GCNT1: variants seen among roughly 807,000 people sequenced by gnomAD.
GCNT1 encodes beta-1,3-galactosyl-O-glycosyl-glycoprotein beta-1,6-N-acetylglucosaminyltransferase.
GCNT1 carries 16 observed loss-of-function variants against 26.2 expected under a neutral mutation model. The ratio of observed to expected loss-of-function variants is 0.61; its 90% CI spans 0.41 to 0.93. GCNT1 has a LOEUF of 0.93. GCNT1 is among the 40% of genes least tolerant of loss of function. The pLI, the probability that GCNT1 is intolerant of heterozygous loss-of-function variation, is 0.00. For synonymous variants in GCNT1, 183 were observed against 190.8 expected (o/e 0.96, Z 0.34); for missense variants, 477 against 526.7 (o/e 0.91, Z 0.92).
chr9:76,426,794 G>T (rs1461253010), intron 1 of GCNT1, among the ~76,000 whole-genome samples: 1 of 152,070 alleles, frequency 6.6e-6, no homozygotes, highest in Non-Finnish European at 1.5e-5. Flanking sequence ...CTACTCGGGG[G>T]TGGCAGAGGG....
chr9:76,418,740 G>T (rs71509874), upstream of GCNT1, among the ~76,000 whole-genome samples: 2 of 152,132 alleles, frequency 1.3e-5, no homozygotes, highest in Admixed American at 6.5e-5. Flanking sequence ...GATTTTTAGG[G>T]GAAATGAATG....
chr9:76,503,291 A>G lies in GCNT1; in HGVS notation c.910A>G (p.Lys304Glu). 1 of 1,614,158 alleles carries G rather than the reference A, an allele frequency of 6.2e-7. No homozygotes were observed. The highest frequency in any genetic ancestry group is 1.7e-4 in the Middle Eastern group (1 of 6,060). ...TGTGGGGTATGTACTACAGAATGAA[A>G]AAATCCAAAAGTTGATGGAGTGGGC... Reference protein sequence around the residue: ...EYVGYVLQNEKIQKLMEWAQD... With the variant: ...EYVGYVLQNEEIQKLMEWAQD... Residue 304 changes from lysine to glutamate, a missense_variant, in exon 4 of 4, where the codon AAA becomes GAA. Physicochemically the swap from Lys to Glu is moderately conservative, Grantham distance 56. Coordinates refer to ENST00000376730, the MANE Select transcript of GCNT1 (RefSeq NM_001490.5).
At chr9:76,454,504 T>G (rs1239028729), upstream of GCNT1, among the ~76,000 whole-genome samples, 1 of 151,620 alleles carries the variant, frequency 6.6e-6, no homozygotes, top group African/African-American at 2.4e-5. Context: ...GAAAAGGGCT[T>G]CTTGGGAGGG....
rs188808484 is a variant in GCNT1, at chr9:76,506,367, C to T, written c.*2699C>T. The T allele has an allele frequency of 1.7e-4, 29 of 166,888 alleles. No individual in the cohort carries two copies. The highest frequency in any genetic ancestry group is 6.3e-4 in the African/African-American group (26 of 41,484). 10.3% of individuals were successfully genotyped at this position (166,888 alleles called of 1,614,324 possible). On this transcript the variant is annotated 3_prime_UTR_variant, in exon 4 of 4. Transcript: ENST00000376730. ...CAGCCTAGCCAACATGACGAAACCC[C>T]ATCTCTACTGAAAATAGAAAAAAAA... is the stretch of plus-strand genomic sequence containing the variant.
At chr9:76,496,417 G>T (rs1209314875) in intron 2 of GCNT1, among the ~76,000 whole-genome samples, 2 of 152,114 alleles carry the variant, frequency 1.3e-5, no homozygotes, top group Non-Finnish European at 2.9e-5. Flanking sequence ...GTTCTTTCCC[G>T]CCTGTCAGCC....
chr9:76,465,099 C>G (rs1363990488), intron 2 of GCNT1, among the ~76,000 whole-genome samples: 1 of 152,086 alleles, frequency 6.6e-6, no homozygotes, highest in African/African-American at 2.4e-5. Flanking sequence ...CCTCCTGCCT[C>G]AGCCTCCCTT....
chr9:76,502,954 C>T lies in GCNT1; in HGVS notation c.573C>T (p.Ser191=). Residue 191 remains serine, a synonymous_variant, in exon 4 of 4, where the codon AGC becomes AGT. Coordinates refer to ENST00000376730, the MANE Select transcript of GCNT1 (RefSeq NM_001490.5). ...AGAGTGTGGTTTATGCATCGTGGAG[C>T]CGGGTTCAGGCTGACCTCAACTGCA... The part of the protein sequence containing the change: ...RLESVVYASW[S]RVQADLNCMK... The T allele has an allele frequency of 1.9e-6, 3 of 1,612,856 alleles. No homozygotes were observed. The highest frequency in any genetic ancestry group is 2.5e-6 in the Non-Finnish European group (3 of 1,179,956).
upstream of GCNT1, among the ~76,000 whole-genome samples, chr9:76,416,674 G>A (rs78394921): frequency 0.026 from 3,946 of 152,286 alleles, 161 homozygotes; most frequent in African/African-American, 0.089. Flanking sequence ...GTCTCACTAC[G>A]TATTTAACTA....
chr9:76,402,372 G>A, the GCNT1 span, among the ~76,000 whole-genome samples: 1 of 152,100 alleles, frequency 6.6e-6, no homozygotes, highest in African/African-American at 2.4e-5. Context: ...ATAACATTTT[G>A]AAAACTAAAT....
intron 2 of GCNT1, among the ~76,000 whole-genome samples, chr9:76,489,528 C>G: frequency 6.6e-6 from 1 of 152,178 alleles, no homozygotes; most frequent in East Asian, 1.9e-4. Flanking sequence ...TTTGGACCCG[C>G]CCATGTCCTG....
the GCNT1 span, among the ~76,000 whole-genome samples, chr9:76,402,194 A>G: frequency 1.3e-5 from 2 of 152,206 alleles, no homozygotes; most frequent in South Asian, 2.1e-4. Context: ...GCTTTCCTGT[A>G]TCTGCTTCCT....
chr9:76,474,297 G>A (rs552927257), intron 2 of GCNT1, among the ~76,000 whole-genome samples: 54 of 152,204 alleles, frequency 3.5e-4, no homozygotes, highest in African/African-American at 1.2e-3. Flanking sequence ...TGTTACTGGG[G>A]ACAGTATAAG....
chr9:76,473,848 A>G (rs929318316), intron 2 of GCNT1, among the ~76,000 whole-genome samples: 4 of 152,202 alleles, frequency 2.6e-5, no homozygotes, highest in Admixed American at 2.6e-4. Flanking sequence ...CACACCTATC[A>G]TCCCAGCACT....
the GCNT1 span, among the ~76,000 whole-genome samples, chr9:76,403,480 A>G: frequency 1.1e-3 from 161 of 152,250 alleles, no homozygotes; most frequent in Non-Finnish European, 1.9e-3. Flanking sequence ...ACAAGATGGC[A>G]TATTAAAATT....
intron 1 of GCNT1, among the ~76,000 whole-genome samples, chr9:76,425,365 G>A (rs989291651): frequency 4.0e-5 from 6 of 151,620 alleles, no homozygotes; most frequent in African/African-American, 1.5e-4. Flanking sequence ...TGGGATTAAA[G>A]GTGACCGCCA....
Position 76,503,116 on chromosome 9 carries a change from G to A in GCNT1, c.735G>A (p.Glu245=). The A allele has an allele frequency of 6.2e-7, 1 of 1,614,186 alleles. No individual in the cohort carries two copies. Among genetic ancestry groups the A allele is most frequent in the Non-Finnish European group, 8.5e-7 (1 of 1,180,030 alleles). ...TGGGAGAAAACAACCTGGAAACGGA[G>A]AGGATGCCATCCCATAAAGAAGAAA... The part of the protein sequence containing the change: ...LLMGENNLET[E]RMPSHKEERW... Residue 245 remains glutamate, a synonymous_variant, in exon 4 of 4, where the codon GAG becomes GAA. Transcript: ENST00000376730.
At chr9:76,397,444 AT>A in the GCNT1 span, among the ~76,000 whole-genome samples, 127,338 of 138,466 alleles carry the variant, frequency 0.92, 58,460 homozygotes, top group East Asian at 0.98. Flanking sequence ...AGAAGAAAGA[AT>A]TTTTTTTTTT....
chr9:76,461,814 G>A (rs887970478), intron 2 of GCNT1, among the ~76,000 whole-genome samples: 5 of 152,148 alleles, frequency 3.3e-5, no homozygotes, highest in East Asian at 1.9e-4. Context: ...GCTTGAACCC[G>A]GGAGGCGGAG....
At chr9:76,486,803 C>T (rs1212654497) in intron 2 of GCNT1, among the ~76,000 whole-genome samples, 3 of 152,116 alleles carry the variant, frequency 2.0e-5, no homozygotes, top group Non-Finnish European at 4.4e-5. Context: ...GGGCTGGGTG[C>T]AGTGGCTCAT....
Sources: allele counts gnomAD v4.1 joint callset (sites outside exome capture counted in the v4.1 genomes callset), GRCh38; gene constraint gnomAD v4.1.1; transcripts MANE v1.5; gene names NCBI Gene and HGNC (gene_info 2026-07-23, HGNC 2026-07-21).